Variants in COA1 observed in about 807,000 individuals in gnomAD.
The protein encoded by COA1 is cytochrome c oxidase assembly factor 1.
Under a neutral mutation model 16.0 loss-of-function variants are expected in COA1, and 13 were observed. The ratio of observed to expected loss-of-function variants is 0.81; its 90% CI spans 0.53 to 1.29. The LOEUF is 1.29. Ranked by LOEUF, COA1 falls within the 50% of genes most tolerant of loss-of-function variation. The pLI, the probability that COA1 is intolerant of heterozygous loss-of-function variation, is 0.00. For synonymous variants in COA1, 65 were observed against 65.7 expected (o/e 0.99, Z 0.05); for missense variants, 179 against 177.0 (o/e 1.01, Z -0.06).
chr7:43,693,509 C>G (rs1447090023), intron 1 of COA1, among the ~76,000 whole-genome samples: 1 of 152,144 alleles, frequency 6.6e-6, no homozygotes, highest in Non-Finnish European at 1.5e-5. Flanking sequence ...AGCTGACACC[C>G]TCCACAATCT....
chr7:43,722,883 A>G (rs2095539294), intron 1 of COA1, among the ~76,000 whole-genome samples: 1 of 152,178 alleles, frequency 6.6e-6, no homozygotes, highest in Non-Finnish European at 1.5e-5. Context: ...TTTCCAGTAC[A>G]TTTGCAAATG....
chr7:43,713,228 AG>A (rs2095305112), intron 1 of COA1, among the ~76,000 whole-genome samples: 1 of 152,204 alleles, frequency 6.6e-6, no homozygotes, highest in Non-Finnish European at 1.5e-5. Flanking sequence ...CTGGGGATAC[AG>A]GCATGAGCCA....
chr7:43,713,219 T>C (rs745936289), intron 1 of COA1, among the ~76,000 whole-genome samples: 15 of 152,188 alleles, frequency 9.9e-5, no homozygotes, highest in Non-Finnish European at 1.9e-4. Context: ...CCCAAAGTGC[T>C]GGGGATACAG....
intron 6 of COA1, chr7:43,623,943 A>G: frequency 8.0e-7 from 1 of 1,247,690 alleles, no homozygotes; most frequent in Non-Finnish European, 1.0e-6. Flanking sequence ...TAAAAAATTC[A>G]GTATTAAAAA....
chr7:43,723,885 G>A (rs2095558927), intron 1 of COA1, among the ~76,000 whole-genome samples: 1 of 152,146 alleles, frequency 6.6e-6, no homozygotes, highest in South Asian at 2.1e-4. Context: ...CATGTTCATG[G>A]CACTGCACTC....
intron 1 of COA1, among the ~76,000 whole-genome samples, chr7:43,655,082 G>A (rs562250934): frequency 6.6e-6 from 1 of 152,260 alleles, no homozygotes; most frequent in East Asian, 1.9e-4. Flanking sequence ...CCAGCAGCAT[G>A]CACTGAGACC....
chr7:43,677,792 C>T (rs1407343627), intron 1 of COA1, among the ~76,000 whole-genome samples: 2 of 102,490 alleles, frequency 2.0e-5, no homozygotes, highest in African/African-American at 3.9e-5. Context: ...GAAAGGGAGG[C>T]TCTGTCTTAA....
downstream of COA1, among the ~76,000 whole-genome samples, chr7:43,636,894 C>A (rs993693807): frequency 1.3e-5 from 2 of 152,212 alleles, no homozygotes; most frequent in African/African-American, 4.8e-5. Context: ...TCTTTGATGG[C>A]CACAAATTGT....
At chr7:43,643,655 G>A (rs1034801486) in intron 4 of COA1, among the ~76,000 whole-genome samples, 2 of 152,190 alleles carry the variant, frequency 1.3e-5, no homozygotes, top group Non-Finnish European at 2.9e-5. Flanking sequence ...TCACTTGGAT[G>A]CCACGATGGC....
chr7:43,674,818 T>A (rs2093438096), intron 1 of COA1, among the ~76,000 whole-genome samples: 2 of 152,148 alleles, frequency 1.3e-5, no homozygotes, highest in African/African-American at 4.8e-5. Flanking sequence ...ATAACTACTC[T>A]TATTCAAACC....
At chr7:43,711,563 T>C (rs914745732) in intron 1 of COA1, 5 of 152,212 alleles carry the variant, frequency 3.3e-5, no homozygotes, top group African/African-American at 1.2e-4. Context: ...CAAATAGTCA[T>C]GTGTCACCTA....
At chr7:43,653,803 G>A (rs2091284875) in intron 1 of COA1, among the ~76,000 whole-genome samples, 1 of 152,056 alleles carries the variant, frequency 6.6e-6, no homozygotes, top group East Asian at 1.9e-4. Context: ...TGAAGACCAA[G>A]ACTGCCTGGA....
chr7:43,617,948 G>T (rs1487043864), intron 6 of COA1, among the ~76,000 whole-genome samples: 2 of 152,162 alleles, frequency 1.3e-5, no homozygotes, highest in African/African-American at 4.8e-5. Flanking sequence ...TATAAACAAG[G>T]AAGGAGTGGT....
intron 1 of COA1, among the ~76,000 whole-genome samples, chr7:43,653,368 T>C (rs2091202456): frequency 6.6e-6 from 1 of 152,144 alleles, no homozygotes; most frequent in Non-Finnish European, 1.5e-5. Flanking sequence ...GGCTAAACTT[T>C]TTTGAAGAAT....
chr7:43,692,120 A>C (rs1168057177), intron 1 of COA1, among the ~76,000 whole-genome samples: 1 of 152,226 alleles, frequency 6.6e-6, no homozygotes, highest in East Asian at 1.9e-4. Context: ...CCTGGGAATT[A>C]TCCAACCATC....
At chr7:43,660,924 G>A (rs1377560481) in intron 1 of COA1, among the ~76,000 whole-genome samples, 3 of 152,048 alleles carry the variant, frequency 2.0e-5, no homozygotes, top group Non-Finnish European at 4.4e-5. Flanking sequence ...TGCATTACAC[G>A]GTCTTACTGC....
At chr7:43,608,513 G>C in exon 7 of COA1, 1 of 1,309,874 alleles carries the variant, frequency 7.6e-7, no homozygotes, top group Non-Finnish European at 1.0e-6. Context: ...TAGGTAACAA[G>C]GATATTAGAA....
intron 5 of COA1, 137 bp from the exon 6 acceptor site, chr7:43,639,818 G>A: frequency 1.6e-6 from 1 of 606,168 alleles, no homozygotes; most frequent in Non-Finnish European, 2.9e-6. Flanking sequence ...TGCGAGTGCT[G>A]TGTCAACACA....
chr7:43,665,936 G>A (rs953823138), intron 1 of COA1, among the ~76,000 whole-genome samples: 1 of 152,134 alleles, frequency 6.6e-6, no homozygotes. Flanking sequence ...CACAGACAGA[G>A]TAAATTTGTC....
Sources: allele counts gnomAD v4.1 joint callset (sites outside exome capture counted in the v4.1 genomes callset), GRCh38; gene constraint gnomAD v4.1.1; transcripts MANE v1.5; gene names NCBI Gene and HGNC (gene_info 2026-07-23, HGNC 2026-07-21).